Variants in GOLGA6L2 observed in about 807,000 individuals in gnomAD.
GOLGA6L2 encodes the protein golgin A6 family like 2, also known as golgin subfamily A member 6-like protein 2.
In GOLGA6L2, 30 loss-of-function variants were observed where a neutral mutation model predicts 35.9. The observed-to-expected ratio is 0.83, with a 90% CI of 0.62 to 1.13. GOLGA6L2 has a LOEUF of 1.13. Among genes scored for constraint, GOLGA6L2 ranks in the 50% most tolerant of loss-of-function variants. The pLI, the probability that GOLGA6L2 is intolerant of heterozygous loss-of-function variation, is 0.00. For missense variants in GOLGA6L2, 821 were observed against 973.4 expected (o/e 0.84, Z 2.08); for synonymous variants, 297 against 344.0 (o/e 0.86, Z 1.51).
Position 23,447,115 on chromosome 15 carries a change from C to T in GOLGA6L2, c.67G>A (p.Ala23Thr), listed in dbSNP as rs989949766. Residue 23 changes from alanine to threonine, a missense_variant, in exon 1 of 8, where the codon GCT (alanine) becomes ACT (threonine). Ala to Thr is a moderately conservative substitution (Grantham distance 58, BLOSUM62 0). Around this residue, in one of 7 missense-constraint regions of GOLGA6L2, gnomAD observed 48 missense variants for 31.7 expected, o/e 1.51. Coordinates refer to ENST00000567107, the MANE Select transcript of GOLGA6L2 (RefSeq NM_001304388.2). ...AGTTTTACCTTTTTCTTGGCCTCAG[C>T]CAATTTGTTCTGTCTGGTTTTTTCT... ...MSEKTRQNKL[A>T]EAKKKFTDYR... 2 of 1,582,144 alleles carry T rather than the reference C, an allele frequency of 1.3e-6. No individual in the cohort carries two copies. Among genetic ancestry groups the T allele is most frequent in the East Asian group, 2.3e-5 (1 of 44,046 alleles).
rs556944917 is a variant in GOLGA6L2, at chr15:23,443,777, C to G, written c.591G>C (p.Arg197Ser). Residue 197 changes from arginine (R) to serine (S), a missense_variant and splice_region_variant, in exon 5 of 8, where the codon AGG (arginine) becomes AGC (serine). By Grantham distance (110) the Arg-to-Ser change is moderately radical. Transcript: ENST00000567107. ...AGACTGGGGAGGTGATTGGACTTAC[C>G]CTGTCTGCCTTCTTGTGCCATGTGG... ...AVSTWHKKAD[R>S]YIEELTKERD... 4 of 1,536,280 alleles carry G rather than the reference C, an allele frequency of 2.6e-6. No individual in the cohort carries two copies. Among genetic ancestry groups the G allele is most frequent in the African/African-American group, 2.7e-5 (2 of 73,182 alleles).
chr15:23,443,630 C>A, intron 5 of GOLGA6L2, 147 bp downstream of exon 5: 1 of 769,148 alleles, frequency 1.3e-6, no homozygotes, highest in South Asian at 1.5e-5. Context: ...CCCCAACCTG[C>A]CTCTAATAAC....
chr15:23,441,513 T>G lies in GOLGA6L2; in HGVS notation c.962A>C (p.Lys321Thr). 7.1e-7 allele frequency: 1 copy of G among 1,401,580 alleles called. No homozygotes were observed. The highest frequency in any genetic ancestry group is 9.6e-7 in the Non-Finnish European group (1 of 1,046,212). 86.8% of individuals were successfully genotyped at this position (1,401,580 alleles called of 1,614,324 possible). A position where few individuals can be genotyped will look rare whatever the true frequency, so the allele number is the denominator to read the frequency against. ...EQEEKMRRQE[K>T]RLREQEKELR... ...CTCCTTCTCCTGCTCTCGCAGCCTC[T>G]TCTCCTGTCTCCGCATCTTCTCCTC... Residue 321 changes from lysine (K) to threonine (T), a missense_variant, in exon 8 of 8, where the codon AAG becomes ACG. Coordinates refer to ENST00000567107, the MANE Select transcript of GOLGA6L2 (RefSeq NM_001304388.2).
At position 23,441,087 on chromosome 15, in the gene GOLGA6L2, T is replaced by C; in HGVS notation, c.1388A>G (p.Glu463Gly). The stretch of plus-strand genomic sequence containing the variant: ...CTCCTCCTGCTCCCGCATCGTCTCC[T>C]CCTCTTCCCGCATCTTCTTCTCCCG... Reference protein sequence around the residue: ...REREKKMREEEETMREQEEKM... With the variant: ...REREKKMREEGETMREQEEKM... Residue 463 changes from glutamate (E) to glycine (G), a missense_variant, in exon 8 of 8, where the codon GAG becomes GGG. Physicochemically the swap from Glu to Gly is moderately conservative, Grantham distance 98. Coordinates refer to ENST00000567107, the MANE Select transcript of GOLGA6L2 (RefSeq NM_001304388.2). 6.5e-7 allele frequency: 1 copy of C among 1,533,490 alleles called. No homozygotes were observed. Among genetic ancestry groups the C allele is most frequent in the Non-Finnish European group, 8.8e-7 (1 of 1,141,918 alleles). The allele number at this position is 1,533,490 out of a possible 1,614,324, so 95.0% of individuals were successfully genotyped here. A position where few individuals can be genotyped will look rare whatever the true frequency, so the allele number is the denominator to read the frequency against.
At chr15:23,446,914 C>T (rs551691435) in intron 1 of GOLGA6L2, among the ~76,000 whole-genome samples, 184 bp downstream of exon 1, 10 of 150,368 alleles carry the variant, frequency 6.7e-5, no homozygotes, top group East Asian at 4.0e-4. Context: ...TGGCAAGGGC[C>T]GGGGCAGGAC....
chr15:23,444,288 C>T, intron 3 of GOLGA6L2, 76 bp from the exon 4 acceptor site: 2 of 1,537,646 alleles, frequency 1.3e-6, no homozygotes, highest in Admixed American at 1.8e-5. Context: ...CCCAGAATGG[C>T]ACCAATGCCC....
intron 4 of GOLGA6L2, 24 bp from the exon 5 acceptor site, chr15:23,444,097 T>G (rs1204484357): frequency 5.7e-6 from 9 of 1,582,970 alleles, no homozygotes; most frequent in African/African-American, 1.3e-5. Flanking sequence ...GACAAGCAAG[T>G]GCTGAAAGAG....
At position 23,439,804 on chromosome 15, in the gene GOLGA6L2, C is replaced by A. The variant is rs1227886616; in HGVS notation, c.2671G>T (p.Ala891Ser). 7 of 1,532,344 alleles carry A rather than the reference C, an allele frequency of 4.6e-6. No homozygotes were observed. The highest frequency in any genetic ancestry group is 5.2e-6 in the Non-Finnish European group (6 of 1,145,516). 94.9% of individuals were successfully genotyped at this position (1,532,344 alleles called of 1,614,324 possible). ...CTGAGCACCGCTCCTCGTGCTCTGG[C>A]AGCCTCTCCTGCATCTTCTCTTTCT... is the stretch of plus-strand genomic sequence containing the variant. Reference protein sequence around the residue: ...RSEREDAGEAARARGAVLRAL... With the variant: ...RSEREDAGEASRARGAVLRAL... Residue 891 changes from alanine (A) to serine (S), a missense_variant, in exon 8 of 8, where the codon GCC becomes TCC. Around this residue, in one of 7 missense-constraint regions of GOLGA6L2, gnomAD observed 48 missense variants for 42.7 expected, o/e 1.12. Coordinates refer to ENST00000567107, the MANE Select transcript of GOLGA6L2 (RefSeq NM_001304388.2).
At position 23,443,990 on chromosome 15, in the gene GOLGA6L2, C is replaced by G; in HGVS notation, c.378G>C (p.Arg126Ser). ...TGCCCAGGTTCCCATCTTCAAATTT[C>G]CTGGCAGCATCCTGGCTGTAATAGA... The part of the protein sequence containing the change: ...TALYYSQDAA[R>S]KFEDGNLGTP... The change falls in exon 5 of 8, where the codon AGG becomes AGC. Residue 126 changes from arginine (R) to serine (S), a missense_variant. By Grantham distance (110) the Arg-to-Ser change is moderately radical (BLOSUM62 -1). Transcript: ENST00000567107. 6.4e-7 allele frequency: 1 copy of G among 1,558,892 alleles called. No individual in the cohort carries two copies. The highest frequency in any genetic ancestry group is 8.6e-7 in the Non-Finnish European group (1 of 1,158,812).
intron 5 of GOLGA6L2, 43 bp downstream of exon 5, chr15:23,443,734 C>G (rs757058299): frequency 2.1e-6 from 3 of 1,458,554 alleles, no homozygotes; most frequent in African/African-American, 2.8e-5. Context: ...CCTCCATCTG[C>G]GAAGCTGGGA....
chr15:23,444,186 C>A lies in GOLGA6L2; in HGVS notation c.270G>T (p.Gln90His). ...CCTCTATCTCCCGCCTTAGGGCTTCCTGATGTTGGTGGCTTGCCTTCTTTT... is the reference window on the plus strand; with the variant it reads ...CCTCTATCTCCCGCCTTAGGGCTTCATGATGTTGGTGGCTTGCCTTCTTTT... ...KEEKKASHQH[Q>H]EALRREIEAQ... The change falls in exon 4 of 8, where the codon CAG (glutamine) becomes CAT (histidine). Residue 90 changes from glutamine to histidine, a missense_variant. Transcript: ENST00000567107. 1 of 1,604,894 alleles carries A rather than the reference C, an allele frequency of 6.2e-7. No individual in the cohort carries two copies. Among genetic ancestry groups the A allele is most frequent in the South Asian group, 1.1e-5 (1 of 90,904 alleles).
rs2070626093 is a variant in GOLGA6L2 at position 23,439,732 on chromosome 15, A to T, written c.*13T>A. ...CTCCTCCTGCAGGCTCCACACTGCC[A>T]GTGTGGCTCATATTACAAAGAACTT... On this transcript the variant is annotated 3_prime_UTR_variant, in exon 8 of 8. Coordinates refer to ENST00000567107, the MANE Select transcript of GOLGA6L2 (RefSeq NM_001304388.2). 1 of 1,536,226 alleles carries T rather than the reference A, an allele frequency of 6.5e-7. No individual in the cohort carries two copies. Among genetic ancestry groups the T allele is most frequent in the South Asian group, 1.2e-5 (1 of 84,008 alleles).
In GOLGA6L2 at chr15:23,439,749, AAAG is replaced by A. The variant is rs2070626451; in HGVS notation, c.2723_2725del (p.Ser908del). ...ACACTGCCAGTGTGGCTCATATTAC[AAAG>A]AACTTTGGAGGGAGGGAGGCAGGGC... is the stretch of plus-strand genomic sequence containing the variant. On this transcript the variant is annotated inframe_deletion, in exon 8 of 8. Coordinates refer to ENST00000567107, the MANE Select transcript of GOLGA6L2 (RefSeq NM_001304388.2). 1 of 1,535,500 alleles carries A rather than the reference AAAG, an allele frequency of 6.5e-7. No homozygotes were observed. The highest frequency in any genetic ancestry group is 2.5e-5 in the East Asian group (1 of 40,808).
intron 5 of GOLGA6L2, among the ~76,000 whole-genome samples, chr15:23,442,740 T>C (rs764961391): frequency 6.6e-6 from 1 of 151,990 alleles, no homozygotes; most frequent in Non-Finnish European, 1.5e-5. Flanking sequence ...TGGAGTGCAA[T>C]GGCGCAATCT....
intron 5 of GOLGA6L2, 93 bp downstream of exon 5, chr15:23,443,684 C>A: frequency 2.0e-6 from 2 of 1,008,496 alleles, no homozygotes; most frequent in Non-Finnish European, 1.5e-6. Context: ...ATCTTCTGGG[C>A]AGGACACTGC....
At position 23,447,174 on chromosome 15, in the gene GOLGA6L2, G is replaced by T; in HGVS notation, c.8C>A (p.Pro3His). Reference sequence around the variant, plus strand: ...GGGGTGGGGAGGGAGGTGGGGTTGGGGCCACATCAGCGTGATTCAGACGAG... The same window carrying T: ...GGGGTGGGGAGGGAGGTGGGGTTGGTGCCACATCAGCGTGATTCAGACGAG... The part of the protein sequence containing the change: MW[P>H]QPHLPPHPMM... Residue 3 changes from proline to histidine, a missense_variant, in exon 1 of 8, where the codon CCC (proline) becomes CAC (histidine). By Grantham distance (77) the Pro-to-His change is moderately conservative. Coordinates refer to ENST00000567107, the MANE Select transcript of GOLGA6L2 (RefSeq NM_001304388.2). 1 of 1,569,914 alleles carries T rather than the reference G, an allele frequency of 6.4e-7. No individual in the cohort carries two copies. Among genetic ancestry groups the T allele is most frequent in the Non-Finnish European group, 8.7e-7 (1 of 1,143,176 alleles).
Position 23,439,836 on chromosome 15 carries a change from G to T in GOLGA6L2, c.2639C>A (p.Thr880Lys). 6.7e-7 allele frequency: 1 copy of T among 1,487,026 alleles called. No individual in the cohort carries two copies. Among genetic ancestry groups the T allele is most frequent in the South Asian group, 1.2e-5 (1 of 81,976 alleles). The allele number at this position is 1,487,026 out of a possible 1,614,324, so 92.1% of individuals were successfully genotyped here. A position where few individuals can be genotyped will look rare whatever the true frequency, so the allele number is the denominator to read the frequency against. The change falls in exon 8 of 8, where the codon ACG becomes AAG. Residue 880 changes from threonine to lysine, a missense_variant. By Grantham distance (78) the Thr-to-Lys change is moderately conservative. This residue lies in a region of GOLGA6L2 where 48 missense variants were observed against 42.7 expected (regional missense o/e 1.12). Coordinates refer to ENST00000567107, the MANE Select transcript of GOLGA6L2 (RefSeq NM_001304388.2). ...TCCTGCATCTTCTCTTTCTGATCTC[G>T]TATCCTCTCCTCCTTCTCTCGCATC... is the stretch of plus-strand genomic sequence containing the variant. ...GGDAREGGED[T>K]RSEREDAGEA...
rs181688078 is a variant in GOLGA6L2, at chr15:23,442,692, T to C, written c.592-184A>G. On this transcript the variant is annotated intron_variant, in intron 5 of 7. Transcript: ENST00000567107. Reference sequence around the variant, plus strand: ...TTTTCTTTTTTTTTTTCTCCTTTTCTTCTTTTAGAGATGGAGTTTTGCTCT... The same window carrying C: ...TTTTCTTTTTTTTTTTCTCCTTTTCCTCTTTTAGAGATGGAGTTTTGCTCT... Among the ~76,000 whole-genome samples the C allele has an allele frequency of 7.2e-5, 11 of 152,222 alleles. No individual in the cohort carries two copies. The East Asian group carries it at 1.4e-3, about 19-fold the overall frequency.
Position 23,440,778 on chromosome 15 carries a change from G to C in GOLGA6L2, c.1697C>G (p.Ala566Gly). 9 of 1,532,470 alleles carry C rather than the reference G, an allele frequency of 5.9e-6. No individual in the cohort carries two copies. The highest frequency in any genetic ancestry group is 7.9e-6 in the Non-Finnish European group (9 of 1,138,674). 94.9% of individuals were successfully genotyped at this position (1,532,470 alleles called of 1,614,324 possible). Residue 566 changes from alanine (A) to glycine (G), a missense_variant, in exon 8 of 8, where the codon GCG becomes GGG. By Grantham distance (60) the Ala-to-Gly change is moderately conservative. Coordinates refer to ENST00000567107, the MANE Select transcript of GOLGA6L2 (RefSeq NM_001304388.2). ...EADVGAGGED[A>G]GSGAEDVGPG... ...TCCCACATCTTCTGCTCCTGATCCC[G>C]CATCTTCTCCTCCTGCTCCCACATC...
Sources: gnomAD v4.1 joint callset for allele counts (sites outside exome capture counted in the v4.1 genomes callset) on GRCh38, gnomAD v4.1.1 for gene constraint, gnomAD v4.1.1 regional missense constraint, MANE v1.5 for transcripts, NCBI Gene and HGNC (gene_info 2026-07-23, HGNC 2026-07-21) for gene names.